NRG1: variants seen among roughly 807,000 people sequenced by gnomAD.
NRG1 encodes neuregulin 1.
NRG1 carries 18 observed loss-of-function variants against 63.8 expected under a neutral mutation model. The ratio of observed to expected loss-of-function variants is 0.28; its 90% CI spans 0.19 to 0.42. The LOEUF is 0.42. Among genes scored for constraint, NRG1 ranks in the 10% least tolerant of loss-of-function variants. The probability of loss-of-function intolerance (pLI) is 1.00; values close to 1 mark genes in which losing one functional copy is unlikely to be tolerated. For synonymous variants in NRG1, 302 were observed against 301.3 expected (o/e 1.00, Z -0.02); for missense variants, 762 against 814.7 (o/e 0.94, Z 0.79).
chr8:32,024,411 C>A (rs1174019660), intron 1 of NRG1, among the ~76,000 whole-genome samples: 1 of 152,012 alleles, frequency 6.6e-6, no homozygotes, highest in Non-Finnish European at 1.5e-5. Flanking sequence ...CAAAGGGGAG[C>A]GGAAGGGCAG....
At chr8:32,504,480 A>C in intron 1 of NRG1, among the ~76,000 whole-genome samples, 1 of 152,210 alleles carries the variant, frequency 6.6e-6, no homozygotes, top group Non-Finnish European at 1.5e-5. Context: ...TTTTAAGCCA[A>C]CTTAGAATAG....
At chr8:32,442,923 G>C (rs1162735093) in intron 1 of NRG1, among the ~76,000 whole-genome samples, 3 of 149,062 alleles carry the variant, frequency 2.0e-5, no homozygotes, top group Non-Finnish European at 4.5e-5. Context: ...GAGTATCTTA[G>C]AAAGTATGTC....
At chr8:32,385,087 T>TGTGCTCACTGCAAGCTCC (rs1325146920) in intron 1 of NRG1, among the ~76,000 whole-genome samples, 1 of 152,238 alleles carries the variant, frequency 6.6e-6, no homozygotes, top group Non-Finnish European at 1.5e-5. Context: ...TGGCAAGATC[T>TGTGCTCACTGCAAGCTCC]CTGCTCACTG....
At chr8:31,887,554 A>G (rs1240677385) in intron 1 of NRG1, among the ~76,000 whole-genome samples, 1 of 152,042 alleles carries the variant, frequency 6.6e-6, no homozygotes, top group Non-Finnish European at 1.5e-5. Flanking sequence ...CGTAGGTGCT[A>G]GTAAGTAGGA....
chr8:32,732,344 A>G (rs988632756), intron 6 of NRG1, among the ~76,000 whole-genome samples: 1 of 152,212 alleles, frequency 6.6e-6, no homozygotes. Flanking sequence ...TTCCTCTTGC[A>G]TCTTTTCTCT....
At chr8:32,499,675 AAAAT>A (rs748670951) in intron 1 of NRG1, among the ~76,000 whole-genome samples, 3 of 152,134 alleles carry the variant, frequency 2.0e-5, no homozygotes, top group Non-Finnish European at 2.9e-5. Context: ...TCCTGTCTTA[AAAAT>A]AAATAAATAA....
intron 1 of NRG1, among the ~76,000 whole-genome samples, chr8:32,061,084 T>G (rs1823773074): frequency 2.6e-5 from 4 of 151,950 alleles, no homozygotes; most frequent in African/African-American, 9.7e-5. Flanking sequence ...ATAATTCATT[T>G]ATATATAATT....
chr8:32,000,339 C>T (rs983729631), intron 1 of NRG1, among the ~76,000 whole-genome samples: 3 of 151,808 alleles, frequency 2.0e-5, no homozygotes, highest in Non-Finnish European at 4.4e-5. Context: ...ATACCTTGTC[C>T]TTGAAATAGA....
At chr8:31,804,617 G>T (rs1822100720) in intron 1 of NRG1, among the ~76,000 whole-genome samples, 2 of 152,182 alleles carry the variant, frequency 1.3e-5, no homozygotes, top group South Asian at 4.1e-4. Context: ...CAAGTCAGAA[G>T]CCTGTAGGGG....
At chr8:32,082,812 G>A (rs117060184) in intron 1 of NRG1, among the ~76,000 whole-genome samples, 3,171 of 152,122 alleles carry the variant, frequency 0.021, 39 homozygotes, top group South Asian at 0.039. Flanking sequence ...TCTATGTACA[G>A]TCACATTGTA....
intron 1 of NRG1, among the ~76,000 whole-genome samples, chr8:32,537,740 T>C (rs2129520059): frequency 6.6e-6 from 1 of 152,336 alleles, no homozygotes; most frequent in East Asian, 1.9e-4. Flanking sequence ...ATCCTCATTT[T>C]ACAGATGAGG....
intron 1 of NRG1, among the ~76,000 whole-genome samples, chr8:32,415,622 TA>T (rs1354872196): frequency 1.3e-5 from 2 of 152,196 alleles, no homozygotes; most frequent in Non-Finnish European, 2.9e-5. Context: ...CATGAATGCA[TA>T]AGACCATACA....
chr8:32,634,624 G>A (rs1469886650), intron 5 of NRG1, among the ~76,000 whole-genome samples: 1 of 152,158 alleles, frequency 6.6e-6, no homozygotes, highest in Non-Finnish European at 1.5e-5. Flanking sequence ...ACTGTAATAT[G>A]TATGTGAACA....
intron 1 of NRG1, among the ~76,000 whole-genome samples, chr8:32,390,380 A>G (rs779354787): frequency 3.2e-4 from 48 of 152,078 alleles, no homozygotes; most frequent in Non-Finnish European, 5.0e-4. Context: ...CAGGTGTTTG[A>G]TACCAACCTG....
At chr8:32,514,918 G>T (rs1177910471) in intron 1 of NRG1, among the ~76,000 whole-genome samples, 6 of 81,812 alleles carry the variant, frequency 7.3e-5, no homozygotes, top group Admixed American at 4.7e-4. Flanking sequence ...GGGTATGAAT[G>T]GTCCCATCAC....
At chr8:31,807,003 G>C (rs1383405343) in intron 1 of NRG1, among the ~76,000 whole-genome samples, 1 of 152,174 alleles carries the variant, frequency 6.6e-6, no homozygotes, top group African/African-American at 2.4e-5. Context: ...ACCTTGGGTC[G>C]TATCTCCAAG....
chr8:32,112,994 CT>C (rs1261288843), intron 1 of NRG1, among the ~76,000 whole-genome samples: 1 of 152,168 alleles, frequency 6.6e-6, no homozygotes, highest in African/African-American at 2.4e-5. Flanking sequence ...AATTGGGACC[CT>C]TTTGTTCAAA....
At chr8:32,034,605 T>G (rs180912246) in intron 1 of NRG1, among the ~76,000 whole-genome samples, 7 of 152,274 alleles carry the variant, frequency 4.6e-5, no homozygotes, top group Admixed American at 3.9e-4. Flanking sequence ...GTAGGCTATT[T>G]ATTACTGCCT....
intron 1 of NRG1, among the ~76,000 whole-genome samples, chr8:32,372,507 C>A (rs1313224080): frequency 6.6e-6 from 1 of 152,084 alleles, no homozygotes; most frequent in Non-Finnish European, 1.5e-5. Flanking sequence ...ATCTTTGGTG[C>A]CCAAATACAG....
Sources: gnomAD v4.1 joint callset for allele counts (sites outside exome capture counted in the v4.1 genomes callset) on GRCh38, gnomAD v4.1.1 for gene constraint, MANE v1.5 for transcripts, NCBI Gene and HGNC (gene_info 2026-07-23, HGNC 2026-07-21) for gene names.